The following CD9 variants were observed in gnomAD, a reference collection of about 807,000 sequenced individuals.
CD9 encodes the protein CD9 antigen.
In CD9, 10 loss-of-function variants were observed where a neutral mutation model predicts 31.4. The ratio of observed to expected loss-of-function variants is 0.32; its 90% confidence interval spans 0.20 to 0.54. CD9 has a LOEUF of 0.54. Among genes scored for constraint, CD9 ranks in the 20% least tolerant of loss-of-function variants. CD9 has a pLI of 0.94. For synonymous variants in CD9, 113 were observed against 114.1 expected, an observed-to-expected ratio of 0.99 and a Z score of 0.06; for missense variants, 259 against 300.1, an observed-to-expected ratio of 0.86 and a Z score of 1.01.
At chr12:6,204,363 G>A (rs1469473414) in intron 1 of CD9, among the ~76,000 whole-genome samples, 2 of 152,212 alleles carry the variant, frequency 1.3e-5, no homozygotes, top group East Asian at 1.9e-4. Context: ...AACTACATTC[G>A]TGTCCCCTAA....
chr12:6,232,562 A>C lies in CD9; in HGVS notation c.176-70A>C. The C allele has an allele frequency of 1.1e-6, 1 of 928,574 alleles. No homozygotes were observed. Among genetic ancestry groups the C allele is most frequent in the Non-Finnish European group, 1.7e-6 (1 of 587,920 alleles). The allele number at this position is 928,574 out of a possible 1,614,324, so 57.5% of individuals were successfully genotyped here. On this transcript the variant is annotated intron_variant, in intron 2 of 7. Coordinates refer to ENST00000009180, the MANE Select transcript of CD9 (RefSeq NM_001769.4). This position sits in a 1 kb window ranked among gnomAD's most constrained non-coding sequence, Gnocchi z 4.8. The stretch of plus-strand genomic sequence containing the variant: ...CAGGAGTTAGGCAGAGGGAAACAGG[A>C]ATTGCCGGAGATGCCTGGGCCTCTG...
chr12:6,210,201 G>C (rs2136605797), intron 1 of CD9, among the ~76,000 whole-genome samples: 1 of 152,270 alleles, frequency 6.6e-6, no homozygotes, highest in South Asian at 2.1e-4. Context: ...AGAGGCTCCG[G>C]GTCCCACTCT....
Position 6,235,333 on chromosome 12 carries a change from T to C in CD9, c.447+6T>C. On this transcript the variant is annotated splice_donor_region_variant and intron_variant, in intron 5 of 7. Coordinates refer to ENST00000009180, the MANE Select transcript of CD9 (RefSeq NM_001769.4). The stretch of plus-strand genomic sequence containing the variant: ...TGAAAGCCATCCACTATGCGGTATG[T>C]CGCCTTGGCAAAGACACCCTCCTGC... The C allele has an allele frequency of 4.3e-6, 7 of 1,614,228 alleles. No individual in the cohort carries two copies. The highest frequency in any genetic ancestry group is 5.9e-6 in the Non-Finnish European group (7 of 1,180,020).
At chr12:6,208,572 TTTG>T (rs1194306429) in intron 1 of CD9, among the ~76,000 whole-genome samples, 4 of 152,192 alleles carry the variant, frequency 2.6e-5, no homozygotes, top group Non-Finnish European at 5.9e-5. Flanking sequence ...TTTGTTTGTT[TTTG>T]TTCTTTTTTT....
chr12:6,231,096 C>T (rs910928437), intron 2 of CD9, among the ~76,000 whole-genome samples: 1 of 152,206 alleles, frequency 6.6e-6, no homozygotes, highest in African/African-American at 2.4e-5. Flanking sequence ...TGTGGGGAAA[C>T]ATCACAGACT....
At chr12:6,225,567 C>T (rs772312001) in intron 2 of CD9, 33 bp downstream of exon 2, 1 of 1,386,518 alleles carries the variant, frequency 7.2e-7, no homozygotes, top group Non-Finnish European at 1.0e-6. Flanking sequence ...TGAATTCAGA[C>T]CCTGGCTCCA....
intron 4 of CD9, 109 bp downstream of exon 4, chr12:6,233,595 C>A: frequency 1.2e-6 from 1 of 849,476 alleles, no homozygotes; most frequent in East Asian, 2.4e-5. Context: ...AGCTGTTGAC[C>A]AGGCCTCTTA....
At chr12:6,227,928 G>T (rs1456186919) in intron 2 of CD9, among the ~76,000 whole-genome samples, 2 of 152,232 alleles carry the variant, frequency 1.3e-5, no homozygotes, top group African/African-American at 4.8e-5. Context: ...AGAATGGTGA[G>T]TGCCATTAGA....
chr12:6,233,446 A>G lies in CD9; in HGVS notation c.308A>G (p.Glu103Gly). 6.2e-7 allele frequency: 1 copy of G among 1,614,060 alleles called. No homozygotes were observed. Among genetic ancestry groups the G allele is most frequent in the South Asian group, 1.1e-5 (1 of 91,074 alleles). Residue 103 changes from glutamate (E) to glycine (G), a missense_variant, in exon 4 of 8, where the codon GAA (glutamate) becomes GGA (glycine). Coordinates refer to ENST00000009180, the MANE Select transcript of CD9 (RefSeq NM_001769.4). ...FGFLLVIFAI[E>G]IAAAIWGYSH... ...TTCCTCTTGGTGATATTCGCCATTG[A>G]AATAGCTGCGGCCATCTGGGGATAT... is the stretch of plus-strand genomic sequence containing the variant.
At position 6,237,387 on chromosome 12, in the gene CD9, GAAAAA is replaced by G. The variant is rs768020275; in HGVS notation, c.622-370_622-366del. Among the ~76,000 whole-genome samples the G allele has an allele frequency of 2.0e-3, 290 of 146,332 alleles. 1 individual carries two copies. Among genetic ancestry groups the G allele is most frequent in the Non-Finnish European group, 3.7e-3 (244 of 66,202 alleles). On this transcript the variant is annotated intron_variant, in intron 7 of 7. Transcript: ENST00000009180. Reference sequence around the variant, plus strand: ...AACAGAGCAAGACTCCATCTCAAAAGAAAAAAAAAAGAGTATTAAATAACATACAC... The same window carrying G: ...AACAGAGCAAGACTCCATCTCAAAAGAAAAAGAGTATTAAATAACATACAC...
intron 1 of CD9, among the ~76,000 whole-genome samples, chr12:6,216,103 G>A (rs1480830250): frequency 6.6e-6 from 1 of 152,230 alleles, no homozygotes; most frequent in African/African-American, 2.4e-5. Flanking sequence ...CCGGCTTCCT[G>A]AGGAGTGAAT....
chr12:6,231,043 G>C (rs138435005), intron 2 of CD9, among the ~76,000 whole-genome samples: 1 of 152,188 alleles, frequency 6.6e-6, no homozygotes, highest in Non-Finnish European at 1.5e-5. Flanking sequence ...TGAAGTCAGC[G>C]TGTCACCTGC....
chr12:6,216,459 C>T (rs1320004965), intron 1 of CD9, among the ~76,000 whole-genome samples: 1 of 152,148 alleles, frequency 6.6e-6, no homozygotes, highest in Non-Finnish European at 1.5e-5. Flanking sequence ...ATAAAGAGGC[C>T]AAGGTTTCCT....
intron 1 of CD9, among the ~76,000 whole-genome samples, chr12:6,202,987 G>T (rs1004189045): frequency 6.6e-6 from 1 of 152,164 alleles, no homozygotes; most frequent in Non-Finnish European, 1.5e-5. Flanking sequence ...CATTTGTCCT[G>T]TATCTGGGTC....
At chr12:6,209,401 A>G (rs1477477918) in intron 1 of CD9, among the ~76,000 whole-genome samples, 1 of 152,118 alleles carries the variant, frequency 6.6e-6, no homozygotes, top group Non-Finnish European at 1.5e-5. Flanking sequence ...CTGGGTGGGG[A>G]GTCATCCATA....
intron 1 of CD9, among the ~76,000 whole-genome samples, chr12:6,204,183 G>T (rs1468717768): frequency 9.2e-5 from 14 of 152,014 alleles, no homozygotes; most frequent in Admixed American, 9.2e-4. Context: ...GGAACAAATG[G>T]TCTCAAAAGG....
chr12:6,225,218 G>C, intron 1 of CD9: 1 of 564,654 alleles, frequency 1.8e-6, no homozygotes, highest in East Asian at 2.9e-5. Context: ...CGGCAGGTAG[G>C]TCACTGTTTA....
At chr12:6,205,954 C>G (rs1228038616) in intron 1 of CD9, 1 of 152,248 alleles carries the variant, frequency 6.6e-6, no homozygotes, top group Non-Finnish European at 1.5e-5. Context: ...TCCTCCCTCC[C>G]CCAGGTTGGG....
chr12:6,237,388 A>G (rs1946535762), intron 7 of CD9, among the ~76,000 whole-genome samples: 1 of 143,686 alleles, frequency 7.0e-6, no homozygotes, highest in Non-Finnish European at 1.6e-5. Flanking sequence ...ATCTCAAAAG[A>G]AAAAAAAAAG....
Sources: gnomAD v4.1 joint callset for allele counts (sites outside exome capture counted in the v4.1 genomes callset) on GRCh38, gnomAD v4.1.1 for gene constraint, Gnocchi (gnomAD v3.1) non-coding constraint, MANE v1.5 for transcripts, NCBI Gene and HGNC (gene_info 2026-07-23, HGNC 2026-07-21) for gene names.